Variants in HS6ST2 observed in about 807,000 individuals in gnomAD.
The protein encoded by HS6ST2 is heparan-sulfate 6-O-sulfotransferase 2.
In HS6ST2, 17 loss-of-function variants were observed where a neutral mutation model predicts 33.0. That is an observed-to-expected ratio of 0.52 (90% CI 0.35 to 0.77). HS6ST2 has a LOEUF of 0.77. Among genes scored for constraint, HS6ST2 ranks in the 30% least tolerant of loss-of-function variants. The pLI is 0.01. For synonymous variants in HS6ST2, 248 were observed against 237.1 expected (o/e 1.05, Z -0.42); for missense variants, 519 against 551.7 (o/e 0.94, Z 0.59).
chrX:132,742,262 G>A (rs963884794), intron 2 of HS6ST2, among the ~76,000 whole-genome samples: 2 of 111,942 alleles, frequency 1.8e-5, no homozygotes, highest in African/African-American at 6.5e-5. Flanking sequence ...CAAGACAGAC[G>A]TTTGCACTTG....
In HS6ST2 at chrX:132,794,842, G is replaced by A. The variant is rs761084921; in HGVS notation, c.948-86348C>T. Among the ~76,000 whole-genome samples, 7 of 110,592 alleles carry A rather than the reference G, an allele frequency of 6.3e-5. No individual in the cohort carries two copies. The South Asian group carries it at 1.6e-3, about 25-fold the overall frequency. On this transcript the variant is annotated intron_variant, in intron 2 of 4. Transcript: ENST00000370833. ...GCCCACAGTCATACACCTCAGACATGGTAGAGCTGGCCTTGATGTTAGTCC... is the reference window on the plus strand; with the variant it reads ...GCCCACAGTCATACACCTCAGACATAGTAGAGCTGGCCTTGATGTTAGTCC...
chrX:132,671,004 C>G (rs767707291), intron 3 of HS6ST2, among the ~76,000 whole-genome samples: 57 of 111,552 alleles, frequency 5.1e-4, no homozygotes, highest in African/African-American at 1.8e-3. Flanking sequence ...AGTGCAGGGA[C>G]CATTACCCCG....
At chrX:132,889,474 C>T (rs777007805) in intron 2 of HS6ST2, among the ~76,000 whole-genome samples, 24 of 110,587 alleles carry the variant, frequency 2.2e-4, no homozygotes, top group East Asian at 5.7e-4. Context: ...TCAAAGGGAA[C>T]GGTATGAAGA....
chrX:132,948,833 C>T (rs1279956211), intron 2 of HS6ST2, among the ~76,000 whole-genome samples: 1 of 111,946 alleles, frequency 8.9e-6, no homozygotes, highest in Non-Finnish European at 1.9e-5. Flanking sequence ...AACTCAGTGA[C>T]TAAATACCTC....
intron 2 of HS6ST2, among the ~76,000 whole-genome samples, chrX:132,887,341 A>T (rs2066262852): frequency 8.9e-6 from 1 of 112,052 alleles, no homozygotes; most frequent in African/African-American, 3.2e-5. Flanking sequence ...AACCAATTAT[A>T]AGCAAAATAT....
chrX:132,865,069 T>A (rs1318102814), intron 2 of HS6ST2, among the ~76,000 whole-genome samples: 3 of 109,622 alleles, frequency 2.7e-5, no homozygotes, highest in Non-Finnish European at 5.7e-5. Flanking sequence ...GCTGGTGCGC[T>A]GCACCCACTA....
At chrX:132,826,738 T>C (rs1367118551) in intron 2 of HS6ST2, among the ~76,000 whole-genome samples, 2 of 110,696 alleles carry the variant, frequency 1.8e-5, no homozygotes, top group Non-Finnish European at 3.8e-5. Context: ...ACTAATTATT[T>C]TACCACTGTT....
chrX:132,870,022 C>T (rs967597493), intron 2 of HS6ST2, among the ~76,000 whole-genome samples: 21 of 111,179 alleles, frequency 1.9e-4, no homozygotes, highest in Admixed American at 1.5e-3. Context: ...AAAACCCCAT[C>T]GTCTCAGCCC....
chrX:132,690,990 G>A lies in HS6ST2; in HGVS notation c.980+17472C>T, dbSNP rs762318499. ...ATAAAGTGGTATCTATGTTATCGTTGGTCGCATTATTATGCCAAGTGCCAA... is the reference window on the plus strand; with the variant it reads ...ATAAAGTGGTATCTATGTTATCGTTAGTCGCATTATTATGCCAAGTGCCAA... On this transcript the variant is annotated intron_variant, in intron 3 of 4. Transcript: ENST00000370833. Among the ~76,000 whole-genome samples, 160 of 111,588 alleles carry A rather than the reference G, an allele frequency of 1.4e-3. 1 individual carries two copies. The highest frequency in any genetic ancestry group is 3.0e-3 in the Admixed American group (31 of 10,502).
intron 2 of HS6ST2, among the ~76,000 whole-genome samples, chrX:132,756,778 G>GCT (rs2064759202): frequency 9.3e-6 from 1 of 107,047 alleles, no homozygotes; most frequent in African/African-American, 3.4e-5. Flanking sequence ...TCTTCAAGTG[G>GCT]CTCTCTCTCA....
At chrX:132,732,432 T>A (rs1292926052) in intron 2 of HS6ST2, among the ~76,000 whole-genome samples, 1 of 111,834 alleles carries the variant, frequency 8.9e-6, no homozygotes, top group African/African-American at 3.3e-5. Context: ...CTGTTCCCTC[T>A]CCACACACAC....
At chrX:132,961,161 G>A (rs748699023), upstream of HS6ST2, 6 of 107,597 alleles carry the variant, frequency 5.6e-5, no homozygotes, top group African/African-American at 1.4e-4. Context: ...AGAACTGGCC[G>A]AACTGTCAAG....
intron 4 of HS6ST2, among the ~76,000 whole-genome samples, chrX:132,637,844 ATATATAATATATATATAATATATT>A: frequency 2.4e-5 from 1 of 41,168 alleles, no homozygotes; most frequent in African/African-American, 4.7e-4. Flanking sequence ...ATAATATTTT[ATATATAATATATATATAATATATT>A]ATATATAATA....
chrX:132,847,285 A>C (rs1356796289), intron 2 of HS6ST2, among the ~76,000 whole-genome samples: 1 of 111,308 alleles, frequency 9.0e-6, no homozygotes, highest in Non-Finnish European at 1.9e-5. Context: ...ATTCTTTGTC[A>C]TGGGGGGCTG....
Position 132,628,954 on chromosome X carries a change from T to C in HS6ST2, c.1207A>G (p.Ser403Gly). Residue 403 changes from serine to glycine, a missense_variant, in exon 5 of 5, where the codon AGC becomes GGC. Coordinates refer to ENST00000370833, the MANE Select transcript of HS6ST2 (RefSeq NM_001394073.1). ...GACCAGTCATCGCCAGTGTAGCAGCTGGGCAGCTCTTCGGAGGTTGGAGGC... is the reference window on the plus strand; with the variant it reads ...GACCAGTCATCGCCAGTGTAGCAGCCGGGCAGCTCTTCGGAGGTTGGAGGC... ...GRPPTSEELP[S>G]CYTGDDWSGC... 1 of 1,211,062 alleles carries C rather than the reference T, an allele frequency of 8.3e-7. No homozygotes were observed. The highest frequency in any genetic ancestry group is 1.1e-6 in the Non-Finnish European group (1 of 895,187).
chrX:132,657,795 T>C (rs1031554660), intron 4 of HS6ST2, among the ~76,000 whole-genome samples: 10 of 104,986 alleles, frequency 9.5e-5, no homozygotes, highest in Middle Eastern at 5.0e-3. Flanking sequence ...TGGCAAAAAC[T>C]GCAATTACTT....
At chrX:132,929,162 C>G (rs1206566792) in intron 2 of HS6ST2, among the ~76,000 whole-genome samples, 1 of 111,166 alleles carries the variant, frequency 9.0e-6, no homozygotes, top group Non-Finnish European at 1.9e-5. Context: ...GTAACATGAT[C>G]TTATTGAGCT....
At chrX:132,683,674 C>A (rs756937226) in intron 3 of HS6ST2, among the ~76,000 whole-genome samples, 1 of 111,272 alleles carries the variant, frequency 9.0e-6, no homozygotes, top group Non-Finnish European at 1.9e-5. Flanking sequence ...TGGGGGCATA[C>A]AGAAATTATA....
At chrX:132,644,581 GCAAACCAGGCTAGACATTCCTTAAGAGC>G (rs1336613193) in intron 4 of HS6ST2, among the ~76,000 whole-genome samples, 1 of 110,938 alleles carries the variant, frequency 9.0e-6, no homozygotes, top group African/African-American at 3.3e-5. Context: ...ATTTTGTCTT[GCAAACCAGGCTAGACATTCCTTAAGAGC>G]CAAACTATTT....
Sources: gnomAD v4.1 joint callset for allele counts (sites outside exome capture counted in the v4.1 genomes callset) on GRCh38, gnomAD v4.1.1 for gene constraint, MANE v1.5 for transcripts, NCBI Gene and HGNC (gene_info 2026-07-23, HGNC 2026-07-21) for gene names.